VARS1: variants seen among roughly 807,000 people sequenced by gnomAD.
VARS1 encodes valyl-tRNA synthetase 1, also known as valine--tRNA ligase.
Under a neutral mutation model 161.0 loss-of-function variants are expected in VARS1, and 92 were observed. The observed-to-expected ratio is 0.57, with a 90% CI of 0.48 to 0.68. The LOEUF is 0.68. Ranked by LOEUF, VARS1 falls within the 30% of genes least tolerant of loss-of-function variation. The probability of loss-of-function intolerance (pLI) is 0.00; values close to 1 mark genes in which losing one functional copy is unlikely to be tolerated. For missense variants in VARS1, 1,338 were observed against 1,695.9 expected, an observed-to-expected ratio of 0.79 and a Z score of 3.71; for synonymous variants, 595 against 682.5, an observed-to-expected ratio of 0.87 and a Z score of 2.00.
At position 31,782,485 on chromosome 6, in the gene VARS1, T is replaced by G; in HGVS notation, c.1992-42A>C. On this transcript the variant is annotated intron_variant, in intron 16 of 29. Transcript: ENST00000375663. This position sits in a 1 kb window ranked among gnomAD's most constrained non-coding sequence, Gnocchi z 8.3. Reference sequence around the variant, plus strand: ...GTGAGAAGGCCAGGCGGTAAAACCCTGAGGAGCCCTCCATCTTCCTCCCGT... The same window carrying G: ...GTGAGAAGGCCAGGCGGTAAAACCCGGAGGAGCCCTCCATCTTCCTCCCGT... 1 of 1,612,566 alleles carries G rather than the reference T, an allele frequency of 6.2e-7. No individual in the cohort carries two copies. Among genetic ancestry groups the G allele is most frequent in the South Asian group, 1.1e-5 (1 of 91,010 alleles).
Position 31,781,671 on chromosome 6 carries a change from C to T in VARS1, c.2418+20G>A, listed in dbSNP as rs367909977. ...CCCTCCAGTCCCCTGTCCCGCCAAG[C>T]CCCGGCCCCAGGAACACACCTGGTT... On this transcript the variant is annotated intron_variant, in intron 20 of 29. Transcript: ENST00000375663. This position sits in a 1 kb window ranked among gnomAD's most constrained non-coding sequence, Gnocchi z 6.8. 3.7e-6 allele frequency: 6 copies of T among 1,612,788 alleles called. No homozygotes were observed. The East Asian group carries it at 1.3e-4, about 36-fold the overall frequency.
Position 31,785,882 on chromosome 6 carries a change from T to G in VARS1, c.1101-149A>C. The G allele has an allele frequency of 9.9e-7, 1 of 1,011,976 alleles. No individual in the cohort carries two copies. The highest frequency in any genetic ancestry group is 1.4e-6 in the Non-Finnish European group (1 of 719,680). 62.7% of individuals were successfully genotyped at this position (1,011,976 alleles called of 1,614,324 possible). A position where few individuals can be genotyped will look rare whatever the true frequency, so the allele number is the denominator to read the frequency against. On this transcript the variant is annotated intron_variant, in intron 8 of 29. Coordinates refer to ENST00000375663, the MANE Select transcript of VARS1 (RefSeq NM_006295.3). This position sits in a 1 kb window ranked among gnomAD's most constrained non-coding sequence, Gnocchi z 6.1. ...GGCTCACGCCTGTAATCCCAGAACT[T>G]TGGGAGGCTGAGGTGGGTGGATCAC...
chr6:31,791,516 A>G lies in VARS1; in HGVS notation c.1100+94T>C, dbSNP rs1490589471. 1 of 1,495,918 alleles carries G rather than the reference A, an allele frequency of 6.7e-7. No individual in the cohort carries two copies. The highest frequency in any genetic ancestry group is 8.9e-7 in the Non-Finnish European group (1 of 1,121,972). 92.7% of individuals were successfully genotyped at this position (1,495,918 alleles called of 1,614,324 possible). A position where few individuals can be genotyped will look rare whatever the true frequency, so the allele number is the denominator to read the frequency against. ...CCACTGGGGGCAGAAGTGAGCACCA[A>G]CCCAGAAGGAGAGAGGCTCGGGGGG... On this transcript the variant is annotated intron_variant, in intron 8 of 29. Coordinates refer to ENST00000375663, the MANE Select transcript of VARS1 (RefSeq NM_006295.3). The surrounding 1 kb of genome is among the most constrained non-coding windows in gnomAD (Gnocchi z 5.0).
rs769757282 is a variant in VARS1, at chr6:31,793,019, C to T, written c.489G>A (p.Ala163=). Residue 163 remains alanine, a synonymous_variant, in exon 3 of 30, where the codon GCG becomes GCA. Transcript: ENST00000375663. ...AAGGCAGCAGCAAGGCTGTGACAGCCGCCAGGTCAGCCAGAGTGGGGGCCT... is the reference window on the plus strand; with the variant it reads ...AAGGCAGCAGCAAGGCTGTGACAGCTGCCAGGTCAGCCAGAGTGGGGGCCT... ...AGEAPTLADL[A]AVTALLLPFR... The T allele has an allele frequency of 5.0e-6, 8 of 1,613,094 alleles. No homozygotes were observed. The highest frequency in any genetic ancestry group is 2.7e-5 in the African/African-American group (2 of 74,932).
chr6:31,791,619 A>G lies in VARS1; in HGVS notation c.1091T>C (p.Leu364Pro), dbSNP rs1813872588. The G allele has an allele frequency of 3.7e-6, 6 of 1,611,354 alleles. No homozygotes were observed. The highest frequency in any genetic ancestry group is 5.1e-6 in the Non-Finnish European group (6 of 1,179,026). Residue 364 changes from leucine to proline, a missense_variant, in exon 8 of 30, where the codon CTG becomes CCG. Physicochemically the swap from Leu to Pro is moderately conservative, Grantham distance 98. This residue lies in a region of VARS1 where 902 missense variants were observed against 1,090.3 expected (regional missense o/e 0.83). Transcript: ENST00000375663. This position sits in a 1 kb window ranked among gnomAD's most constrained non-coding sequence, Gnocchi z 5.0. Reference protein sequence around the residue: ...HALTNAIQDSLTRWHRMRGET... With the variant: ...HALTNAIQDSPTRWHRMRGET... ...GCAGATAGAAGCTCACCATCGAGTC[A>G]GGGAGTCCTGGATGGCGTTGGTGAG...
At chr6:31,788,614 G>A (rs1185214768) in intron 8 of VARS1, among the ~76,000 whole-genome samples, 1 of 151,110 alleles carries the variant, frequency 6.6e-6, no homozygotes, top group Non-Finnish European at 1.5e-5. Context: ...AGACCATCCT[G>A]GCCGACAGGG....
chr6:31,780,319 G>T lies in VARS1; in HGVS notation c.2925+122C>A. On this transcript the variant is annotated intron_variant, in intron 25 of 29. Transcript: ENST00000375663. This position sits in a 1 kb window ranked among gnomAD's most constrained non-coding sequence, Gnocchi z 5.1. The stretch of plus-strand genomic sequence containing the variant: ...GACAGGCCCCAGCCCCCAATGCGCT[G>T]GGCTTTCCCTTTAACTGTCTGTCTC... 6.5e-7 allele frequency: 1 copy of T among 1,528,762 alleles called. No individual in the cohort carries two copies. The highest frequency in any genetic ancestry group is 2.3e-5 in the East Asian group (1 of 43,446). 94.7% of individuals were successfully genotyped at this position (1,528,762 alleles called of 1,614,324 possible). A position where few individuals can be genotyped will look rare whatever the true frequency, so the allele number is the denominator to read the frequency against.
In VARS1 at chr6:31,782,691, C is replaced by G. The variant is rs1019921559; in HGVS notation, c.1887+30G>C. 1.2e-6 allele frequency: 2 copies of G among 1,613,048 alleles called. No individual in the cohort carries two copies. Among genetic ancestry groups the G allele is most frequent in the Non-Finnish European group, 1.7e-6 (2 of 1,179,988 alleles). On this transcript the variant is annotated intron_variant, in intron 15 of 29. Coordinates refer to ENST00000375663, the MANE Select transcript of VARS1 (RefSeq NM_006295.3). The surrounding 1 kb of genome is among the most constrained non-coding windows in gnomAD (Gnocchi z 8.3). ...CCCAGCCATCCCTCCATCTCCCTGA[C>G]CCGGGCACTCTTGCCTCAGGCAGCC...
intron 2 of VARS1, 53 bp downstream of exon 2, chr6:31,794,778 C>G (rs1814145148): frequency 1.3e-6 from 2 of 1,503,516 alleles, no homozygotes; most frequent in South Asian, 1.3e-5. Context: ...TTCCAGTCCT[C>G]GCTTCCCTCC....
chr6:31,785,809 G>A lies in VARS1; in HGVS notation c.1101-76C>T. The A allele has an allele frequency of 6.6e-7, 1 of 1,511,818 alleles. No individual in the cohort carries two copies. Among genetic ancestry groups the A allele is most frequent in the Non-Finnish European group, 8.8e-7 (1 of 1,137,548 alleles). The allele number at this position is 1,511,818 out of a possible 1,614,324, so 93.7% of individuals were successfully genotyped here. A position where few individuals can be genotyped will look rare whatever the true frequency, so the allele number is the denominator to read the frequency against. The stretch of plus-strand genomic sequence containing the variant: ...GCACCAAAGAAAGCAGAGGCTTCAG[G>A]CAAGGAGTCAGTGGACTAAATAAAG... On this transcript the variant is annotated intron_variant, in intron 8 of 29. Transcript: ENST00000375663. This position sits in a 1 kb window ranked among gnomAD's most constrained non-coding sequence, Gnocchi z 6.1.
At position 31,782,776 on chromosome 6, in the gene VARS1, G is replaced by C. The variant is rs1247428398; in HGVS notation, c.1832C>G (p.Ala611Gly). The change falls in exon 15 of 30, where the codon GCC becomes GGC. Residue 611 changes from alanine to glycine, a missense_variant. Physicochemically the swap from Ala to Gly is moderately conservative, Grantham distance 60. Transcript: ENST00000375663. This position sits in a 1 kb window ranked among gnomAD's most constrained non-coding sequence, Gnocchi z 8.3. ...CCCCCGGGAGTCCATGATGCTGATG[G>C]CCTCCAGCCCGTGCCGCTGCCCAAC... Reference protein sequence around the residue: ...YEVGQRHGLEAISIMDSRGAL... With the variant: ...YEVGQRHGLEGISIMDSRGAL... The C allele has an allele frequency of 6.2e-7, 1 of 1,612,910 alleles. No homozygotes were observed. Among genetic ancestry groups the C allele is most frequent in the Admixed American group, 1.7e-5 (1 of 60,002 alleles).
chr6:31,793,966 A>C (rs1814074753), intron 2 of VARS1, among the ~76,000 whole-genome samples: 1 of 151,378 alleles, frequency 6.6e-6, no homozygotes, highest in Non-Finnish European at 1.5e-5. Flanking sequence ...TAGCCGGACA[A>C]GGTGGTGGGC....
In VARS1 at chr6:31,781,064, G is replaced by A; in HGVS notation, c.2604C>T (p.Gly868=). The change falls in exon 22 of 30, where the codon GGC becomes GGT. Residue 868 remains glycine (G), a synonymous_variant. Coordinates refer to ENST00000375663, the MANE Select transcript of VARS1 (RefSeq NM_006295.3). This position sits in a 1 kb window ranked among gnomAD's most constrained non-coding sequence, Gnocchi z 6.8. ...TGACGTCCAGGGGATCGATGACATT[G>A]CCTAGAGACTTGCTCATCTTCCGGC... ...AHGRKMSKSL[G]NVIDPLDVIY... 1 of 1,613,766 alleles carries A rather than the reference G, an allele frequency of 6.2e-7. No homozygotes were observed. The highest frequency in any genetic ancestry group is 8.5e-7 in the Non-Finnish European group (1 of 1,180,026).
At position 31,779,184 on chromosome 6, in the gene VARS1, G is replaced by GC. The variant is rs2151416821; in HGVS notation, c.3508dup (p.Ala1170GlyfsTer14). On this transcript the variant is annotated frameshift_variant, in exon 29 of 30. Transcript: ENST00000375663. LOFTEE classifies it high-confidence loss of function. This position sits in a 1 kb window ranked among gnomAD's most constrained non-coding sequence, Gnocchi z 9.1. ...CACAGCGCAACCCTGGGGGGCGGGA[G>GC]CCCCCAGGGCCAGAACAGCCACCAC... 1 of 1,604,530 alleles carries GC rather than the reference G, an allele frequency of 6.2e-7. No homozygotes were observed. The highest frequency in any genetic ancestry group is 8.5e-7 in the Non-Finnish European group (1 of 1,177,106).
chr6:31,782,065 C>T lies in VARS1; in HGVS notation c.2241+22G>A. On this transcript the variant is annotated intron_variant, in intron 18 of 29. Coordinates refer to ENST00000375663, the MANE Select transcript of VARS1 (RefSeq NM_006295.3). This position sits in a 1 kb window ranked among gnomAD's most constrained non-coding sequence, Gnocchi z 8.3. ...CCACTCCAGCAGGGTGTCCCAGCAG[C>T]TAGCTCTGGCCCTCTGCTCACCTCC... The T allele has an allele frequency of 1.2e-6, 2 of 1,612,482 alleles. No homozygotes were observed. The highest frequency in any genetic ancestry group is 1.7e-6 in the Non-Finnish European group (2 of 1,179,078).
In VARS1 at chr6:31,782,822, G is replaced by A; in HGVS notation, c.1786C>T (p.His596Tyr). Residue 596 changes from histidine (H) to tyrosine (Y), a missense_variant, in exon 15 of 30, where the codon CAT becomes TAT. His to Tyr is a moderately conservative substitution (Grantham distance 83, BLOSUM62 2). Around this residue, in one of 3 missense-constraint regions of VARS1, gnomAD observed 902 missense variants for 1,090.3 expected, o/e 0.83. Coordinates refer to ENST00000375663, the MANE Select transcript of VARS1 (RefSeq NM_006295.3). This position sits in a 1 kb window ranked among gnomAD's most constrained non-coding sequence, Gnocchi z 8.3. ...CCAACTTCATAGTCATTTTGGTCAT[G>A]TGCGGGGGTGATCTTCACAGCACCT... ...GTGAVKITPAHDQNDYEVGQR... is the reference protein window; with the variant it reads ...GTGAVKITPAYDQNDYEVGQR... 6.2e-7 allele frequency: 1 copy of A among 1,612,788 alleles called. No individual in the cohort carries two copies. The highest frequency in any genetic ancestry group is 8.5e-7 in the Non-Finnish European group (1 of 1,179,896).
rs951705885 is a variant in VARS1 at position 31,779,042 on chromosome 6, ACGCTGGGCCTGC to A, written c.3639_3650del (p.Gln1214_Arg1217del). 9.3e-6 allele frequency: 15 copies of A among 1,612,604 alleles called. No homozygotes were observed. Among genetic ancestry groups the A allele is most frequent in the Non-Finnish European group, 1.3e-5 (15 of 1,179,986 alleles). On this transcript the variant is annotated inframe_deletion, in exon 29 of 30. Transcript: ENST00000375663. The surrounding 1 kb of genome is among the most constrained non-coding windows in gnomAD (Gnocchi z 9.1). ...CCGAGGCAGCACGGCGTTCCCGCAG[ACGCTGGGCCTGC>A]CGCTGGGCCTCAACTCGCTTGGCTT...
At position 31,781,320 on chromosome 6, in the gene VARS1, C is replaced by T; in HGVS notation, c.2544+161G>A. The stretch of plus-strand genomic sequence containing the variant: ...AAGATGAAGCCCTGGGCACAGGAAT[C>T]ACTGAGCAGGGCCCAGGCTGGATTT... On this transcript the variant is annotated intron_variant, in intron 21 of 29. Coordinates refer to ENST00000375663, the MANE Select transcript of VARS1 (RefSeq NM_006295.3). The surrounding 1 kb of genome is among the most constrained non-coding windows in gnomAD (Gnocchi z 6.8). 7.9e-7 allele frequency: 1 copy of T among 1,269,542 alleles called. No individual in the cohort carries two copies. Among genetic ancestry groups the T allele is most frequent in the Non-Finnish European group, 1.1e-6 (1 of 927,734 alleles). 78.6% of individuals were successfully genotyped at this position (1,269,542 alleles called of 1,614,324 possible).
Position 31,779,156 on chromosome 6 carries a change from A to G in VARS1, c.3537T>C (p.Ala1179=), listed in dbSNP as rs746257164. The part of the protein sequence containing the change: ...GAPAPQGCAV[A]LASDRCSIHL... ...GGATGGAGCAGCGATCAGAAGCCAG[A>G]GCCACAGCGCAACCCTGGGGGGCGG... The change falls in exon 29 of 30, where the codon GCT becomes GCC. Residue 1179 remains alanine (A), a synonymous_variant. Transcript: ENST00000375663. The surrounding 1 kb of genome is among the most constrained non-coding windows in gnomAD (Gnocchi z 9.1). 2.5e-6 allele frequency: 4 copies of G among 1,605,486 alleles called. No homozygotes were observed. The highest frequency in any genetic ancestry group is 3.4e-6 in the Non-Finnish European group (4 of 1,176,594).
Sources: gnomAD v4.1 joint callset for allele counts (sites outside exome capture counted in the v4.1 genomes callset) on GRCh38, gnomAD v4.1.1 for gene constraint, gnomAD v4.1.1 regional missense constraint, Gnocchi (gnomAD v3.1) non-coding constraint, MANE v1.5 for transcripts, NCBI Gene and HGNC (gene_info 2026-07-23, HGNC 2026-07-21) for gene names.